CADM2: variants seen among roughly 807,000 people sequenced by gnomAD.
The protein encoded by CADM2 is immunoglobulin superfamily member 4D.
Under a neutral mutation model 49.8 loss-of-function variants are expected in CADM2, and 12 were observed. The observed-to-expected ratio is 0.24, with a 90% CI of 0.15 to 0.39. CADM2 has a LOEUF of 0.39. Ranked by LOEUF, CADM2 falls within the 10% of genes least tolerant of loss-of-function variation. The probability of loss-of-function intolerance (pLI) is 1.00; values close to 1 mark genes in which losing one functional copy is unlikely to be tolerated. For synonymous variants in CADM2, 214 were observed against 175.4 expected (o/e 1.22, Z -1.74); for missense variants, 378 against 492.3 (o/e 0.77, Z 2.20).
At chr3:85,408,048 C>T (rs78379489) in intron 1 of CADM2, among the ~76,000 whole-genome samples, 3 of 94,582 alleles carry the variant, frequency 3.2e-5, no homozygotes, top group South Asian at 3.7e-4. Context: ...AAGAAAAAAA[C>T]GGACTTAATC....
intron 1 of CADM2, among the ~76,000 whole-genome samples, chr3:85,316,723 C>T (rs2044473289): frequency 1.3e-5 from 2 of 151,890 alleles, no homozygotes; most frequent in African/African-American, 4.8e-5. Flanking sequence ...GAGACACTTC[C>T]ATATTTAAAT....
chr3:85,455,686 G>T (rs757200049), intron 1 of CADM2, among the ~76,000 whole-genome samples: 3 of 152,050 alleles, frequency 2.0e-5, no homozygotes, highest in Admixed American at 6.6e-5. Flanking sequence ...GCAACTGAAG[G>T]CTTCACAAAG....
At chr3:85,740,554 T>A (rs2068338029) in intron 2 of CADM2, among the ~76,000 whole-genome samples, 1 of 109,076 alleles carries the variant, frequency 9.2e-6, no homozygotes, top group Non-Finnish European at 2.4e-5. Context: ...ATTCTCCCTC[T>A]TTTTTTGCTT....
At chr3:85,730,169 C>G (rs187207465) in intron 2 of CADM2, among the ~76,000 whole-genome samples, 43 of 152,240 alleles carry the variant, frequency 2.8e-4, no homozygotes, top group Admixed American at 2.7e-3. Context: ...TGGCCGGGTG[C>G]AGTGGCTCAT....
intron 1 of CADM2, among the ~76,000 whole-genome samples, chr3:85,550,001 G>A (rs796945990): frequency 2.0e-4 from 30 of 152,162 alleles, no homozygotes; most frequent in African/African-American, 7.2e-4. Context: ...ATTTGTATAT[G>A]TCAGATATTG....
chr3:85,792,683 G>A (rs2071406301), intron 2 of CADM2, among the ~76,000 whole-genome samples: 1 of 152,220 alleles, frequency 6.6e-6, no homozygotes. Context: ...CACAGGAAGA[G>A]AGATGGAGAA....
intron 1 of CADM2, among the ~76,000 whole-genome samples, chr3:85,289,998 A>G (rs1209173851): frequency 1.3e-5 from 2 of 152,172 alleles, no homozygotes; most frequent in East Asian, 3.9e-4. Flanking sequence ...TCAGCAGAAG[A>G]CTGGTGATTT....
chr3:85,500,541 G>A (rs1392850853), intron 1 of CADM2, among the ~76,000 whole-genome samples: 5 of 149,490 alleles, frequency 3.3e-5, no homozygotes, highest in African/African-American at 7.4e-5. Flanking sequence ...TTTTTGAGAC[G>A]GAGTGTCGCT....
intron 1 of CADM2, among the ~76,000 whole-genome samples, chr3:85,711,447 A>G (rs574450527): frequency 9.2e-5 from 14 of 152,200 alleles, no homozygotes. Context: ...AAAATAAAAC[A>G]TTAAGTTTCT....
chr3:85,984,763 CCATGTAAAACTT>C (rs1291863701), intron 8 of CADM2, among the ~76,000 whole-genome samples: 4 of 151,820 alleles, frequency 2.6e-5, no homozygotes, highest in Non-Finnish European at 4.4e-5. Context: ...TTTACACAAT[CCATGTAAAACTT>C]CAAATGAATT....
intron 2 of CADM2, among the ~76,000 whole-genome samples, chr3:85,794,481 T>G (rs2071508255): frequency 6.6e-6 from 1 of 152,156 alleles, no homozygotes; most frequent in Non-Finnish European, 1.5e-5. Context: ...GAGAGAGATA[T>G]TTACACAAAT....
intron 1 of CADM2, among the ~76,000 whole-genome samples, chr3:85,277,070 CATT>C (rs1335478953): frequency 6.6e-6 from 1 of 151,178 alleles, no homozygotes; most frequent in African/African-American, 2.4e-5. Flanking sequence ...AATGATAGAA[CATT>C]GTTATTAGCC....
At chr3:85,210,397 G>A (rs1046851666) in intron 1 of CADM2, among the ~76,000 whole-genome samples, 10 of 151,830 alleles carry the variant, frequency 6.6e-5, no homozygotes, top group African/African-American at 2.4e-4. Flanking sequence ...GAATATTTTT[G>A]CATTAATGTT....
At chr3:85,638,899 T>A (rs1206192210) in intron 1 of CADM2, among the ~76,000 whole-genome samples, 1 of 152,094 alleles carries the variant, frequency 6.6e-6, no homozygotes, top group Non-Finnish European at 1.5e-5. Flanking sequence ...CAATGTAAAC[T>A]TAGAAAGGTT....
At chr3:85,172,109 G>A (rs2040644577) in intron 1 of CADM2, among the ~76,000 whole-genome samples, 1 of 152,112 alleles carries the variant, frequency 6.6e-6, no homozygotes, top group Admixed American at 6.5e-5. Context: ...TTGTACTAAA[G>A]TTGCAGAGCA....
chr3:85,586,152 A>G (rs1230469165), intron 1 of CADM2, among the ~76,000 whole-genome samples: 1 of 152,054 alleles, frequency 6.6e-6, no homozygotes, highest in Non-Finnish European at 1.5e-5. Context: ...ATAGTCATTC[A>G]TGAACATTTA....
At chr3:85,981,970 C>A (rs991003138) in intron 8 of CADM2, among the ~76,000 whole-genome samples, 4 of 151,744 alleles carry the variant, frequency 2.6e-5, no homozygotes, top group Admixed American at 1.3e-4. Flanking sequence ...TATATTCCCA[C>A]CAGCAGTATG....
chr3:85,205,713 A>G (rs1343838019), intron 1 of CADM2, among the ~76,000 whole-genome samples: 2 of 152,120 alleles, frequency 1.3e-5, no homozygotes. Context: ...CTAGTTTCCT[A>G]TTACAATATA....
intron 1 of CADM2, among the ~76,000 whole-genome samples, chr3:85,177,261 A>C (rs1475535487): frequency 2.6e-5 from 4 of 152,126 alleles, no homozygotes; most frequent in Non-Finnish European, 5.9e-5. Flanking sequence ...ACGGGGCAGT[A>C]AGTTCTCTGT....
Sources: allele counts gnomAD v4.1 joint callset (sites outside exome capture counted in the v4.1 genomes callset), GRCh38; gene constraint gnomAD v4.1.1; transcripts MANE v1.5; gene names NCBI Gene and HGNC (gene_info 2026-07-23, HGNC 2026-07-21).